Variants in ADAMTSL3 observed in about 807,000 individuals in gnomAD.
The protein encoded by ADAMTSL3 is ADAMTS like 3.
In ADAMTSL3, 128 loss-of-function variants were observed where a neutral mutation model predicts 201.7. The ratio of observed to expected loss-of-function variants is 0.63; its 90% CI spans 0.55 to 0.73. The LOEUF is 0.73. ADAMTSL3 is among the 30% of genes least tolerant of loss of function. The probability of loss-of-function intolerance (pLI) is 0.00; values close to 1 mark genes in which losing one functional copy is unlikely to be tolerated. For synonymous variants in ADAMTSL3, 738 were observed against 748.4 expected (o/e 0.99, Z 0.23); for missense variants, 1,990 against 2,119.6 (o/e 0.94, Z 1.20).
chr15:83,703,003 G>T (rs2061797653), intron 2 of ADAMTSL3, among the ~76,000 whole-genome samples: 1 of 152,140 alleles, frequency 6.6e-6, no homozygotes, highest in African/African-American at 2.4e-5. Context: ...GGGTGGAGTT[G>T]CCCAAGACCA....
At chr15:83,680,620 T>C (rs1830981818) in intron 2 of ADAMTSL3, among the ~76,000 whole-genome samples, 1 of 151,598 alleles carries the variant, frequency 6.6e-6, no homozygotes, top group South Asian at 2.1e-4. Flanking sequence ...CAATTTTCCA[T>C]ATGTAGATAT....
Position 83,891,821 on chromosome 15 carries a change from A to G in ADAMTSL3, c.1262+442A>G, listed in dbSNP as rs529037036. Reference sequence around the variant, plus strand: ...TTGATTTAATTTTCACAATGGTCTTATGAAGGGTAAATAGGGAAGGTATAT... The same window carrying G: ...TTGATTTAATTTTCACAATGGTCTTGTGAAGGGTAAATAGGGAAGGTATAT... On this transcript the variant is annotated intron_variant, in intron 12 of 29. Transcript: ENST00000286744. 9.8e-5 allele frequency among the ~76,000 whole-genome samples: 15 copies of G among 152,360 alleles called. No individual in the cohort carries two copies. In the South Asian group the frequency reaches 3.1e-3, roughly 32 times the overall value.
chr15:83,882,551 CT>C lies in ADAMTSL3; in HGVS notation c.961-2543del. On this transcript the variant is annotated intron_variant, in intron 9 of 29. Transcript: ENST00000286744. Reference sequence around the variant, plus strand: ...GGTACATTCTTTAGTAGTTTTTTTTCTTTTTTTCCAGTGAATATCTCTAAGT... The same window carrying C: ...GGTACATTCTTTAGTAGTTTTTTTTCTTTTTTCCAGTGAATATCTCTAAGT... Among the ~76,000 whole-genome samples the C allele has an allele frequency of 3.3e-5, 5 of 151,826 alleles. No individual in the cohort carries two copies. The South Asian group carries it at 1.0e-3, about 32-fold the overall frequency.
intron 9 of ADAMTSL3, among the ~76,000 whole-genome samples, chr15:83,876,482 C>T (rs1428102617): frequency 6.6e-6 from 1 of 151,936 alleles, no homozygotes; most frequent in Non-Finnish European, 1.5e-5. Flanking sequence ...ATCAGTTTGC[C>T]TATACAGAAG....
At chr15:83,678,764 G>T (rs1213758148) in intron 2 of ADAMTSL3, among the ~76,000 whole-genome samples, 1 of 134,762 alleles carries the variant, frequency 7.4e-6, no homozygotes, top group South Asian at 2.3e-4. Flanking sequence ...TATATATTGT[G>T]TATATATATA....
intron 23 of ADAMTSL3, among the ~76,000 whole-genome samples, chr15:84,012,071 G>T (rs1326033884): frequency 6.6e-6 from 1 of 152,072 alleles, no homozygotes; most frequent in Non-Finnish European, 1.5e-5. Flanking sequence ...CATTCCTTCA[G>T]CTATTTAGGG....
chr15:83,714,828 C>T (rs12905700), intron 3 of ADAMTSL3, among the ~76,000 whole-genome samples: 1 of 133,692 alleles, frequency 7.5e-6, no homozygotes, highest in African/African-American at 2.7e-5. Flanking sequence ...CTTTCCTTCT[C>T]TCTCTCTTTC....
intron 4 of ADAMTSL3, among the ~76,000 whole-genome samples, chr15:83,789,562 C>G (rs1009085402): frequency 7.9e-5 from 12 of 152,086 alleles, no homozygotes; most frequent in Non-Finnish European, 1.8e-4. Flanking sequence ...GCCAGTACAT[C>G]TCATTGCCTG....
intron 3 of ADAMTSL3, among the ~76,000 whole-genome samples, chr15:83,750,503 G>A (rs926199581): frequency 7.2e-5 from 11 of 152,172 alleles, no homozygotes; most frequent in African/African-American, 2.7e-4. Context: ...TCACTGATCA[G>A]AACTCTGGTC....
At chr15:83,973,035 C>T (rs1486096360) in intron 20 of ADAMTSL3, among the ~76,000 whole-genome samples, 1 of 152,180 alleles carries the variant, frequency 6.6e-6, no homozygotes, top group East Asian at 1.9e-4. Flanking sequence ...CTTCACCCTT[C>T]TTCAGGACAC....
chr15:83,857,411 T>A (rs1023838254), intron 7 of ADAMTSL3, among the ~76,000 whole-genome samples: 2 of 152,204 alleles, frequency 1.3e-5, no homozygotes, highest in Non-Finnish European at 1.5e-5. Flanking sequence ...CTTCCTTTTT[T>A]AAAGTCTTCA....
intron 2 of ADAMTSL3, among the ~76,000 whole-genome samples, chr15:83,660,629 C>T (rs1306979070): frequency 6.6e-6 from 1 of 152,152 alleles, no homozygotes; most frequent in Non-Finnish European, 1.5e-5. Context: ...TCCAGCCATG[C>T]CTTGTGAAAT....
In ADAMTSL3 at chr15:83,980,995, C is replaced by T. The variant is rs567255180; in HGVS notation, c.2645-1278C>T. ...ACAAGGAGGACCTGTAACTGGGGTCCCCCAAGGTAAATTAGGTCCCCATTG... is the reference window on the plus strand; with the variant it reads ...ACAAGGAGGACCTGTAACTGGGGTCTCCCAAGGTAAATTAGGTCCCCATTG... On this transcript the variant is annotated intron_variant, in intron 20 of 29. Transcript: ENST00000286744. Among the ~76,000 whole-genome samples the T allele has an allele frequency of 1.4e-4, 22 of 152,328 alleles. 1 individual carries two copies. In the South Asian group the frequency reaches 4.4e-3, roughly 30 times the overall value.
chr15:83,888,304 G>C (rs988079598), intron 10 of ADAMTSL3, among the ~76,000 whole-genome samples: 3 of 152,152 alleles, frequency 2.0e-5, no homozygotes, highest in African/African-American at 7.2e-5. Flanking sequence ...TCTAAACTGT[G>C]ATAAAACAAA....
intron 20 of ADAMTSL3, among the ~76,000 whole-genome samples, chr15:83,974,514 T>C (rs1174570318): frequency 6.6e-6 from 1 of 152,212 alleles, no homozygotes; most frequent in Non-Finnish European, 1.5e-5. Context: ...AAGTAAGTTG[T>C]GTTGTATATT....
At chr15:83,993,271 A>G (rs1369234757) in intron 23 of ADAMTSL3, among the ~76,000 whole-genome samples, 6 of 152,222 alleles carry the variant, frequency 3.9e-5, no homozygotes, top group African/African-American at 1.4e-4. Flanking sequence ...GGTGAGTCAT[A>G]TATCTTTCTT....
chr15:83,829,975 A>T (rs1318507084), intron 6 of ADAMTSL3, among the ~76,000 whole-genome samples: 1 of 152,142 alleles, frequency 6.6e-6, no homozygotes, highest in African/African-American at 2.4e-5. Context: ...AATAAGTGTG[A>T]TATGGTGCTG....
chr15:83,739,833 G>A (rs1474072484), intron 3 of ADAMTSL3: 5 of 600,562 alleles, frequency 8.3e-6, no homozygotes, highest in Non-Finnish European at 1.6e-5. Context: ...GTCCAGATTG[G>A]CAATGCCTGC....
intron 13 of ADAMTSL3, among the ~76,000 whole-genome samples, chr15:83,897,520 G>T (rs2065641257): frequency 6.6e-6 from 1 of 152,020 alleles, no homozygotes; most frequent in Non-Finnish European, 1.5e-5. Flanking sequence ...TTTTGGGTAG[G>T]GTCATGTAAA....
Sources: gnomAD v4.1 joint callset for allele counts (sites outside exome capture counted in the v4.1 genomes callset) on GRCh38, gnomAD v4.1.1 for gene constraint, MANE v1.5 for transcripts, NCBI Gene and HGNC (gene_info 2026-07-23, HGNC 2026-07-21) for gene names.